The following DIRAS1 variants were observed in gnomAD, a reference collection of about 807,000 sequenced individuals.
DIRAS1 encodes the protein DIRAS family GTPase 1.
A neutral mutation model predicts 11.5 loss-of-function variants in DIRAS1; 3 were observed. The observed-to-expected ratio is 0.26, with a 90% confidence interval of 0.12 to 0.67. DIRAS1 has a LOEUF of 0.67. DIRAS1 is among the 30% of genes least tolerant of loss of function. The probability of loss-of-function intolerance (pLI) is 0.80; values close to 1 mark genes in which losing one functional copy is unlikely to be tolerated. For synonymous variants in DIRAS1, 128 were observed against 125.8 expected (o/e 1.02, Z -0.12); for missense variants, 212 against 285.3 (o/e 0.74, Z 1.85).
chr19:2,717,979 G>A (rs1318809013), intron 1 of DIRAS1, 104 bp from the exon 2 acceptor site: 2 of 686,940 alleles, frequency 2.9e-6, no homozygotes, highest in Non-Finnish European at 4.8e-6. Context: ...AGAGGAGGTG[G>A]CTGCCGTGCC....
chr19:2,717,407 C>G lies in DIRAS1; in HGVS notation c.400G>C (p.Glu134Gln), dbSNP rs767290162. The change falls in exon 2 of 2, where the codon GAG becomes CAG. Residue 134 changes from glutamate (E) to glutamine (Q), a missense_variant. This residue lies in a region of DIRAS1 where 128 missense variants were observed against 205.3 expected (regional missense o/e 0.62). Transcript: ENST00000323469. ...CACTCCTGGGCCACCGCCTGCGCCT[C>G]GCGCGTGTCCACCTCCCGCTGCGTC... is the stretch of plus-strand genomic sequence containing the variant. ...DETQREVDTR[E>Q]AQAVAQEWKC... The G allele has an allele frequency of 1.2e-6, 2 of 1,607,672 alleles. No homozygotes were observed. The highest frequency in any genetic ancestry group is 2.2e-5 in the East Asian group (1 of 44,874).
Position 2,718,969 on chromosome 19 carries a change from C to T in DIRAS1, c.-69-1094G>A, listed in dbSNP as rs1441033065. ...CAGAGTAGCTGGGATTACAGGCATGCACCACCACACCCGGCTAATTTTTGT... is the reference window on the plus strand; with the variant it reads ...CAGAGTAGCTGGGATTACAGGCATGTACCACCACACCCGGCTAATTTTTGT... On this transcript the variant is annotated intron_variant, in intron 1 of 1. Coordinates refer to ENST00000323469, the MANE Select transcript of DIRAS1 (RefSeq NM_145173.4). This position sits in a 1 kb window ranked among gnomAD's most constrained non-coding sequence, Gnocchi z 4.2. 6.6e-6 allele frequency among the ~76,000 whole-genome samples: 1 copy of T among 152,108 alleles called. No homozygotes were observed. Among genetic ancestry groups the T allele is most frequent in the African/African-American group, 2.4e-5 (1 of 41,390 alleles).
chr19:2,717,398 C>G lies in DIRAS1; in HGVS notation c.409G>C (p.Ala137Pro), dbSNP rs544147019. The G allele has an allele frequency of 6.2e-7, 1 of 1,607,862 alleles. No individual in the cohort carries two copies. Among genetic ancestry groups the G allele is most frequent in the East Asian group, 2.2e-5 (1 of 44,870 alleles). ...GCGCACTTCCACTCCTGGGCCACCG[C>G]CTGCGCCTCGCGCGTGTCCACCTCC... ...QREVDTREAQAVAQEWKCAFM... is the reference protein window; with the variant it reads ...QREVDTREAQPVAQEWKCAFM... Residue 137 changes from alanine (A) to proline (P), a missense_variant, in exon 2 of 2, where the codon GCG becomes CCG. By Grantham distance (27) the Ala-to-Pro change is conservative. This residue lies in a region of DIRAS1 where 128 missense variants were observed against 205.3 expected (regional missense o/e 0.62). Transcript: ENST00000323469.
rs1599475769 is a variant in DIRAS1 at position 2,716,931 on chromosome 19, G to T, written c.*279C>A. 1.2e-5 allele frequency: 5 copies of T among 428,028 alleles called. No homozygotes were observed. The East Asian group carries it at 1.9e-4, about 16-fold the overall frequency. The allele number at this position is 428,028 out of a possible 1,614,324, so 26.5% of individuals were successfully genotyped here. A position where few individuals can be genotyped will look rare whatever the true frequency, so the allele number is the denominator to read the frequency against. ...GCTCCTCTTGCCAGCTCCCCATCCT[G>T]TTTTCCCATCTGCAGGACAAGGGGG... On this transcript the variant is annotated 3_prime_UTR_variant, in exon 2 of 2. Transcript: ENST00000323469.
At position 2,717,205 on chromosome 19, in the gene DIRAS1, C is replaced by T. The variant is rs761356273; in HGVS notation, c.*5G>A. ...GTGGGCGGCGGGCAGGCGGGCGTTC[C>T]GGGCTCACATGAGGGTGCATTTGCC... is the stretch of plus-strand genomic sequence containing the variant. On this transcript the variant is annotated 3_prime_UTR_variant, in exon 2 of 2. Coordinates refer to ENST00000323469, the MANE Select transcript of DIRAS1 (RefSeq NM_145173.4). The T allele has an allele frequency of 1.0e-5, 16 of 1,572,726 alleles. No homozygotes were observed. The highest frequency in any genetic ancestry group is 4.5e-5 in the East Asian group (2 of 44,122).
intron 1 of DIRAS1, among the ~76,000 whole-genome samples, chr19:2,720,741 G>T (rs982148131): frequency 9.9e-5 from 15 of 152,272 alleles, no homozygotes; most frequent in Non-Finnish European, 2.2e-4. Context: ...CGGGGGTCAC[G>T]CCTGACCAAG....
rs1555707239 is a variant in DIRAS1, at chr19:2,717,066, A to AGG, written c.*142_*143dup. 1.2e-5 allele frequency: 9 copies of AGG among 755,226 alleles called. No homozygotes were observed. The African/African-American group carries it at 2.3e-4, about 19-fold the overall frequency. 46.8% of individuals were successfully genotyped at this position (755,226 alleles called of 1,614,324 possible). On this transcript the variant is annotated 3_prime_UTR_variant, in exon 2 of 2. Coordinates refer to ENST00000323469, the MANE Select transcript of DIRAS1 (RefSeq NM_145173.4). ...GCCTCGGGGTGGGCAGGGGCAGCGG[A>AGG]GGGGGGGGCGGTGGCCTCGGTTTCC...
rs552775432 is a variant in DIRAS1 at position 2,715,499 on chromosome 19, G to C, written c.*1711C>G. The stretch of plus-strand genomic sequence containing the variant: ...GAACTGAATGCTGCAACAACCACAT[G>C]AGCTTCTAAGAAGCAAATCCTTCCC... On this transcript the variant is annotated 3_prime_UTR_variant, in exon 2 of 2. Transcript: ENST00000323469. 2 of 152,248 alleles carry C rather than the reference G, an allele frequency of 1.3e-5. No homozygotes were observed. The highest frequency in any genetic ancestry group is 1.3e-4 in the Admixed American group (2 of 15,286). The allele number at this position is 152,248 out of a possible 1,614,324, so 9.4% of individuals were successfully genotyped here.
chr19:2,717,249 C>A lies in DIRAS1; in HGVS notation c.558G>T (p.Lys186Asn), dbSNP rs1332999616. ...NIDGKRSGKQ[K>N]RTDRVKGKCT... ...ATTTGCCCTTGACGCGGTCTGTCCT[C>A]TTCTGCTTCCCGGAGCGCTTGCCGT... The change falls in exon 2 of 2, where the codon AAG becomes AAT. Residue 186 changes from lysine (K) to asparagine (N), a missense_variant. Physicochemically the swap from Lys to Asn is moderately conservative, Grantham distance 94. Around this residue, in one of 2 missense-constraint regions of DIRAS1, gnomAD observed 84 missense variants for 79.9 expected, o/e 1.05. Transcript: ENST00000323469. 2 of 1,609,494 alleles carry A rather than the reference C, an allele frequency of 1.2e-6. No homozygotes were observed.
rs1156783982 is a variant in DIRAS1 at position 2,717,388 on chromosome 19, T to C, written c.419A>G (p.Gln140Arg). 6 of 1,608,320 alleles carry C rather than the reference T, an allele frequency of 3.7e-6. No individual in the cohort carries two copies. The highest frequency in any genetic ancestry group is 5.1e-6 in the Non-Finnish European group (6 of 1,179,964). Reference protein sequence around the residue: ...VDTREAQAVAQEWKCAFMETS... With the variant: ...VDTREAQAVAREWKCAFMETS... ...CTCCATGAAAGCGCACTTCCACTCC[T>C]GGGCCACCGCCTGCGCCTCGCGCGT... The change falls in exon 2 of 2, where the codon CAG becomes CGG. Residue 140 changes from glutamine (Q) to arginine (R), a missense_variant. Coordinates refer to ENST00000323469, the MANE Select transcript of DIRAS1 (RefSeq NM_145173.4).
chr19:2,717,423 C>T lies in DIRAS1; in HGVS notation c.384G>A (p.Arg128=). ...LVGNKCDETQ[R]EVDTREAQAV... Reference sequence around the variant, plus strand: ...CCTGCGCCTCGCGCGTGTCCACCTCCCGCTGCGTCTCATCGCACTTGTTGC... The same window carrying T: ...CCTGCGCCTCGCGCGTGTCCACCTCTCGCTGCGTCTCATCGCACTTGTTGC... The change falls in exon 2 of 2, where the codon CGG becomes CGA. Residue 128 remains arginine (R), a synonymous_variant. Coordinates refer to ENST00000323469, the MANE Select transcript of DIRAS1 (RefSeq NM_145173.4). 6.2e-7 allele frequency: 1 copy of T among 1,608,318 alleles called. No homozygotes were observed. The highest frequency in any genetic ancestry group is 1.3e-5 in the African/African-American group (1 of 75,074).
chr19:2,720,602 C>CA (rs1342243716), intron 1 of DIRAS1, among the ~76,000 whole-genome samples: 7 of 150,062 alleles, frequency 4.7e-5, no homozygotes, highest in Admixed American at 3.3e-4. Flanking sequence ...CAGGCAGGGC[C>CA]AATCTACCCC....
Position 2,717,513 on chromosome 19 carries a change from C to A in DIRAS1, c.294G>T (p.Gly98=), listed in dbSNP as rs772033750. 2 of 1,612,800 alleles carry A rather than the reference C, an allele frequency of 1.2e-6. No homozygotes were observed. The highest frequency in any genetic ancestry group is 2.7e-5 in the African/African-American group (2 of 74,932). ...TCTGCACGATGAGCTTGTAGATGGG[C>A]CCCAGCTCCTCCAGCGACTGCTTGC... The part of the protein sequence containing the change: ...VTSKQSLEEL[G]PIYKLIVQIK... The change falls in exon 2 of 2, where the codon GGG becomes GGT. Residue 98 remains glycine (G), a synonymous_variant. Coordinates refer to ENST00000323469, the MANE Select transcript of DIRAS1 (RefSeq NM_145173.4).
At chr19:2,720,787 G>T (rs1225092192) in intron 1 of DIRAS1, among the ~76,000 whole-genome samples, 8 of 152,114 alleles carry the variant, frequency 5.3e-5, no homozygotes, top group Non-Finnish European at 7.4e-5. Flanking sequence ...CCGCCTGGCC[G>T]GTGAGGGGTT....
chr19:2,716,669 T>G lies in DIRAS1; in HGVS notation c.*541A>C. The G allele has an allele frequency of 2.6e-5, 4 of 153,170 alleles. No individual in the cohort carries two copies. Among genetic ancestry groups the G allele is most frequent in the Non-Finnish European group, 5.8e-5 (4 of 69,198 alleles). The allele number at this position is 153,170 out of a possible 1,614,324, so 9.5% of individuals were successfully genotyped here. On this transcript the variant is annotated 3_prime_UTR_variant, in exon 2 of 2. Coordinates refer to ENST00000323469, the MANE Select transcript of DIRAS1 (RefSeq NM_145173.4). ...AGAGGTGCGTCTGGAACCGGAGGAGTGGGCACAGATCAGAGGTCACGACGG... is the reference window on the plus strand; with the variant it reads ...AGAGGTGCGTCTGGAACCGGAGGAGGGGGCACAGATCAGAGGTCACGACGG...
Position 2,716,860 on chromosome 19 carries a change from G to A in DIRAS1, c.*350C>T. The stretch of plus-strand genomic sequence containing the variant: ...CTGGGGACACCCCAGGGAAAGAGAT[G>A]GAAACGGGGAAACGCAGCCTCCTCT... On this transcript the variant is annotated 3_prime_UTR_variant, in exon 2 of 2. Coordinates refer to ENST00000323469, the MANE Select transcript of DIRAS1 (RefSeq NM_145173.4). The A allele has an allele frequency of 3.6e-6, 1 of 279,320 alleles. No homozygotes were observed. The highest frequency in any genetic ancestry group is 6.7e-6 in the Non-Finnish European group (1 of 148,830). 17.3% of individuals were successfully genotyped at this position (279,320 alleles called of 1,614,324 possible). A position where few individuals can be genotyped will look rare whatever the true frequency, so the allele number is the denominator to read the frequency against.
intron 1 of DIRAS1, among the ~76,000 whole-genome samples, chr19:2,720,130 T>G (rs1599477925): frequency 7.0e-6 from 1 of 142,358 alleles, no homozygotes; most frequent in Non-Finnish European, 1.5e-5. Flanking sequence ...AGGCTGGGGG[T>G]GCTGGTGGTG....
chr19:2,717,545 C>T lies in DIRAS1; in HGVS notation c.262G>A (p.Val88Ile), dbSNP rs1913852235. 3 of 1,613,160 alleles carry T rather than the reference C, an allele frequency of 1.9e-6. No individual in the cohort carries two copies. The highest frequency in any genetic ancestry group is 3.3e-4 in the Middle Eastern group (2 of 6,062). The change falls in exon 2 of 2, where the codon GTC becomes ATC. Residue 88 changes from valine (V) to isoleucine (I), a missense_variant. By Grantham distance (29) the Val-to-Ile change is conservative. Coordinates refer to ENST00000323469, the MANE Select transcript of DIRAS1 (RefSeq NM_145173.4). ...TCCTCCAGCGACTGCTTGCTGGTGA[C>T]GGAGAACACCAGGATGAAGGCGTGG... ...KGHAFILVFSVTSKQSLEELG... is the reference protein window; with the variant it reads ...KGHAFILVFSITSKQSLEELG...
At chr19:2,721,041 G>A (rs1457113922) in intron 1 of DIRAS1, among the ~76,000 whole-genome samples, 1 of 150,424 alleles carries the variant, frequency 6.6e-6, no homozygotes, top group Non-Finnish European at 1.5e-5. Context: ...GGTGGGCCTC[G>A]GTGGGGCGGG....
Sources: gnomAD v4.1 joint callset for allele counts (sites outside exome capture counted in the v4.1 genomes callset) on GRCh38, gnomAD v4.1.1 for gene constraint, gnomAD v4.1.1 regional missense constraint, Gnocchi (gnomAD v3.1) non-coding constraint, MANE v1.5 for transcripts, NCBI Gene and HGNC (gene_info 2026-07-23, HGNC 2026-07-21) for gene names.